The following DLC1 variants were observed in gnomAD, a reference collection of about 807,000 sequenced individuals.
DLC1 encodes DLC1 Rho GTPase activating protein.
A neutral mutation model predicts 140.3 loss-of-function variants in DLC1; 54 were observed. That is an observed-to-expected ratio of 0.38 (90% CI 0.31 to 0.48). DLC1 has a LOEUF of 0.48. DLC1 is among the 20% of genes least tolerant of loss of function. The pLI, the probability that DLC1 is intolerant of heterozygous loss-of-function variation, is 0.96. For missense variants in DLC1, 2,536 were observed against 1,907.0 expected (o/e 1.33, Z -6.14); for synonymous variants, 986 against 728.1 (o/e 1.35, Z -5.70).
At chr8:13,389,208 G>A (rs1836646952) in intron 4 of DLC1, among the ~76,000 whole-genome samples, 1 of 151,926 alleles carries the variant, frequency 6.6e-6, no homozygotes, top group Non-Finnish European at 1.5e-5. Context: ...ATGAATATCT[G>A]CACTTATAAG....
rs377708345 is a variant in DLC1, at chr8:13,100,057, C to T, written c.2280G>A (p.Thr760=). ...SSAVSTPSPV[T]RTRSLSACNK... is the part of the protein sequence containing the mutation. ...TGCACGCACTGAGGCTCCGGGTCCT[C>T]GTAACAGGGCTGGGCGTGCTGACCG... Residue 760 remains threonine (T), a synonymous_variant, in exon 9 of 18, where the codon ACG becomes ACA. Transcript: ENST00000276297. 33 of 1,613,254 alleles carry T rather than the reference C, an allele frequency of 2.0e-5. 2 individuals are homozygous for T. The highest frequency in any genetic ancestry group is 2.0e-4 in the South Asian group (18 of 91,086).
chr8:13,097,267 A>C (rs1014864014), intron 10 of DLC1, among the ~76,000 whole-genome samples: 1 of 148,888 alleles, frequency 6.7e-6, no homozygotes, highest in African/African-American at 2.5e-5. Flanking sequence ...TATTATTATT[A>C]TTATTATTTT....
chr8:13,498,823 T>C (rs1264447188), intron 2 of DLC1: 1 of 451,648 alleles, frequency 2.2e-6, no homozygotes, highest in East Asian at 3.5e-5. Context: ...AAATAGAATA[T>C]TCATAAACCA....
chr8:13,379,433 A>T (rs1252494721), intron 4 of DLC1, among the ~76,000 whole-genome samples: 2 of 152,202 alleles, frequency 1.3e-5, no homozygotes, highest in East Asian at 3.8e-4. Context: ...AGCCTGTCTT[A>T]AATGTGCTTA....
chr8:13,133,608 G>T (rs1180511286), intron 5 of DLC1: 2 of 132,124 alleles, frequency 1.5e-5, no homozygotes, highest in African/African-American at 2.8e-5. Context: ...GGGCCTCCAC[G>T]TTCCCAGCGG....
chr8:13,594,555 A>T (rs1297410626), intron 1 of DLC1, among the ~76,000 whole-genome samples: 1 of 152,074 alleles, frequency 6.6e-6, no homozygotes, highest in Non-Finnish European at 1.5e-5. Context: ...TTTCTGCGTA[A>T]GTCTTCTCCT....
rs565303776 is a variant in DLC1 at position 13,324,036 on chromosome 8, G to A, written c.1315-18734C>T. Among the ~76,000 whole-genome samples the A allele has an allele frequency of 2.0e-5, 3 of 152,232 alleles. No homozygotes were observed. In the South Asian group the frequency reaches 6.2e-4, roughly 32 times the overall value. ...CAGGAGGTGCCACTGAGCCTGTTGG[G>A]GACAGATCTGTTACTTAAGAATAGT... On this transcript the variant is annotated intron_variant, in intron 4 of 17. Transcript: ENST00000276297.
intron 1 of DLC1, among the ~76,000 whole-genome samples, chr8:13,568,947 A>G (rs1249804995): frequency 6.6e-6 from 1 of 152,202 alleles, no homozygotes; most frequent in Non-Finnish European, 1.5e-5. Context: ...TGTAAGGGGA[A>G]GAAGAAGTAA....
chr8:13,583,856 C>A (rs1805206778), intron 1 of DLC1: 2 of 152,256 alleles, frequency 1.3e-5, no homozygotes, highest in African/African-American at 2.4e-5. Context: ...CTCTCAGTAA[C>A]CACCCACCCG....
chr8:13,464,293 C>G (rs909652418), intron 2 of DLC1, among the ~76,000 whole-genome samples: 1 of 152,184 alleles, frequency 6.6e-6, no homozygotes, highest in African/African-American at 2.4e-5. Context: ...ATTTCTTTCA[C>G]TGACTGAATG....
At chr8:13,473,730 C>T (rs1274605145) in intron 2 of DLC1, among the ~76,000 whole-genome samples, 1 of 152,102 alleles carries the variant, frequency 6.6e-6, no homozygotes, top group Non-Finnish European at 1.5e-5. Context: ...ACAAAGGTGA[C>T]TCTTGTTATG....
At chr8:13,309,049 A>G (rs1832566588) in intron 4 of DLC1, among the ~76,000 whole-genome samples, 1 of 152,184 alleles carries the variant, frequency 6.6e-6, no homozygotes, top group Non-Finnish European at 1.5e-5. Context: ...TTTAAATAAC[A>G]TGTATAATTG....
intron 4 of DLC1, among the ~76,000 whole-genome samples, chr8:13,388,991 C>T (rs975860997): frequency 2.0e-5 from 3 of 151,914 alleles, no homozygotes; most frequent in African/African-American, 7.3e-5. Context: ...GGTGCTGAGC[C>T]TGTGAATCCC....
intron 7 of DLC1, among the ~76,000 whole-genome samples, chr8:13,104,549 T>C (rs1300753648): frequency 3.3e-5 from 5 of 152,198 alleles, no homozygotes; most frequent in Admixed American, 6.5e-5. Flanking sequence ...TGCCATCTGC[T>C]ATCACCAGTT....
chr8:13,411,624 A>C (rs1419483258), intron 2 of DLC1, among the ~76,000 whole-genome samples: 1 of 152,168 alleles, frequency 6.6e-6, no homozygotes, highest in Non-Finnish European at 1.5e-5. Flanking sequence ...GATGGTGGCT[A>C]TTGGCAGAGG....
chr8:13,431,415 G>A (rs1001760371), intron 2 of DLC1, among the ~76,000 whole-genome samples: 18 of 144,832 alleles, frequency 1.2e-4, no homozygotes, highest in African/African-American at 3.1e-4. Flanking sequence ...CCCGGGAGGC[G>A]GAGCTTGCAG....
At chr8:13,523,682 C>G (rs976422925) in intron 1 of DLC1, among the ~76,000 whole-genome samples, 2 of 151,930 alleles carry the variant, frequency 1.3e-5, no homozygotes, top group Non-Finnish European at 2.9e-5. Context: ...TTGAAAGGAA[C>G]AAGTTCAAAG....
At chr8:13,546,172 T>C (rs1383740364) in intron 1 of DLC1, among the ~76,000 whole-genome samples, 1 of 152,150 alleles carries the variant, frequency 6.6e-6, no homozygotes, top group East Asian at 1.9e-4. Context: ...AATGGTTTTC[T>C]CATATTGGTC....
chr8:13,428,134 G>T (rs185909904), intron 2 of DLC1, among the ~76,000 whole-genome samples: 23 of 152,244 alleles, frequency 1.5e-4, no homozygotes, highest in Admixed American at 1.2e-3. Context: ...GTATGGGCGT[G>T]TGTTGTACTA....
Sources: gnomAD v4.1 joint callset for allele counts (sites outside exome capture counted in the v4.1 genomes callset) on GRCh38, gnomAD v4.1.1 for gene constraint, MANE v1.5 for transcripts, NCBI Gene and HGNC (gene_info 2026-07-23, HGNC 2026-07-21) for gene names.